SOX5: variants seen among roughly 807,000 people sequenced by gnomAD.
The protein encoded by SOX5 is SRY-box transcription factor 5.
A neutral mutation model predicts 92.0 loss-of-function variants in SOX5; 9 were observed. That is an observed-to-expected ratio of 0.10 (90% CI 0.06 to 0.17). The LOEUF (loss-of-function observed/expected upper bound fraction) is 0.17. Ranked by LOEUF, SOX5 falls within the 10% of genes least tolerant of loss-of-function variation. SOX5 has a pLI of 1.00. For synonymous variants in SOX5, 344 were observed against 336.3 expected (o/e 1.02, Z -0.25); for missense variants, 642 against 944.5 (o/e 0.68, Z 4.20).
intron 14 of SOX5, among the ~76,000 whole-genome samples, chr12:23,535,599 A>G (rs1353006765): frequency 1.3e-5 from 2 of 152,294 alleles, no homozygotes; most frequent in East Asian, 1.9e-4. Context: ...TTGCCCAAGA[A>G]CTGTTGGGCA....
At chr12:24,309,324 T>C (rs1948942661) in intron 2 of SOX5, among the ~76,000 whole-genome samples, 1 of 152,218 alleles carries the variant, frequency 6.6e-6, no homozygotes, top group Non-Finnish European at 1.5e-5. Flanking sequence ...TTGCATTTTC[T>C]CTTCTTTCTA....
chr12:23,554,744 A>G (rs1358389837), intron 11 of SOX5, among the ~76,000 whole-genome samples: 1 of 152,178 alleles, frequency 6.6e-6, no homozygotes, highest in African/African-American at 2.4e-5. Flanking sequence ...GAAAGATTCA[A>G]TGAGACCCTT....
intron 8 of SOX5, among the ~76,000 whole-genome samples, chr12:23,633,654 C>T (rs1214767947): frequency 1.3e-5 from 2 of 151,948 alleles, no homozygotes; most frequent in African/African-American, 2.4e-5. Context: ...AGAAGGTAAA[C>T]TCAGTGTATG....
intron 3 of SOX5, among the ~76,000 whole-genome samples, chr12:24,248,739 C>G (rs80217656): frequency 0.021 from 3,164 of 152,134 alleles, 107 homozygotes; most frequent in African/African-American, 0.073. Context: ...CTCTCTCCTT[C>G]ATGTTCATCC....
chr12:23,721,064 TATTA>T (rs1183685579), intron 6 of SOX5, among the ~76,000 whole-genome samples: 1 of 151,526 alleles, frequency 6.6e-6, no homozygotes, highest in African/African-American at 2.4e-5. Context: ...TGTTTTTCTA[TATTA>T]ATTATTTTAT....
intron 10 of SOX5, among the ~76,000 whole-genome samples, chr12:23,565,684 C>T (rs1946950107): frequency 6.6e-6 from 1 of 152,132 alleles, no homozygotes; most frequent in South Asian, 2.1e-4. Flanking sequence ...TGTTTCTGTG[C>T]AGGTAGAAAT....
At chr12:24,406,158 G>A (rs1962893114) in intron 1 of SOX5, among the ~76,000 whole-genome samples, 1 of 152,164 alleles carries the variant, frequency 6.6e-6, no homozygotes, top group South Asian at 2.1e-4. Context: ...TCCTAGAGCA[G>A]GTGTGGGCCA....
chr12:23,844,108 T>C (rs759535431), intron 3 of SOX5, among the ~76,000 whole-genome samples: 1 of 152,222 alleles, frequency 6.6e-6, no homozygotes, highest in Non-Finnish European at 1.5e-5. Flanking sequence ...AACACTTATG[T>C]TGTTAGTCCA....
upstream of SOX5, among the ~76,000 whole-genome samples, chr12:23,954,972 T>C (rs768697797): frequency 7.2e-5 from 11 of 152,122 alleles, no homozygotes; most frequent in African/African-American, 1.2e-4. Flanking sequence ...GGAATTTCTA[T>C]CTATATGATA....
intron 3 of SOX5, among the ~76,000 whole-genome samples, chr12:24,249,453 A>G (rs1939583242): frequency 6.6e-6 from 1 of 152,222 alleles, no homozygotes; most frequent in Non-Finnish European, 1.5e-5. Context: ...TACCTGCTCT[A>G]GACCTTTCAG....
intron 4 of SOX5, among the ~76,000 whole-genome samples, chr12:24,176,329 G>T (rs1008561417): frequency 6.6e-6 from 1 of 151,716 alleles, no homozygotes; most frequent in Non-Finnish European, 1.5e-5. Context: ...ACCCTGTTTT[G>T]GGGAAGAAAA....
chr12:24,338,878 T>C (rs1289689766), intron 2 of SOX5, among the ~76,000 whole-genome samples: 1 of 152,216 alleles, frequency 6.6e-6, no homozygotes, highest in African/African-American at 2.4e-5. Context: ...GATGTGGAAC[T>C]GTGAGTCCAT....
chr12:23,767,747 C>A (rs1477578037), intron 3 of SOX5, among the ~76,000 whole-genome samples: 1 of 151,520 alleles, frequency 6.6e-6, no homozygotes. Flanking sequence ...ATGGGGAAGG[C>A]AAGAGAAAGA....
At chr12:24,215,404 T>A (rs1019844585) in intron 3 of SOX5, among the ~76,000 whole-genome samples, 1 of 152,060 alleles carries the variant, frequency 6.6e-6, no homozygotes, top group East Asian at 1.9e-4. Flanking sequence ...TTCAGTAAGG[T>A]TGCAGGATAG....
intron 1 of SOX5, among the ~76,000 whole-genome samples, chr12:23,936,924 C>T (rs1196601141): frequency 6.6e-6 from 1 of 150,860 alleles, no homozygotes; most frequent in Non-Finnish European, 1.5e-5. Flanking sequence ...AGATTAGTCA[C>T]ATTTCAAACT....
At chr12:24,509,395 G>T (rs1338122287) in intron 1 of SOX5, among the ~76,000 whole-genome samples, 1 of 151,998 alleles carries the variant, frequency 6.6e-6, no homozygotes, top group Non-Finnish European at 1.5e-5. Context: ...GTTGCTTTAG[G>T]GGTGAAAGTG....
chr12:23,594,218 A>C (rs1158741697), intron 9 of SOX5, among the ~76,000 whole-genome samples: 1 of 151,078 alleles, frequency 6.6e-6, no homozygotes, highest in East Asian at 2.0e-4. Context: ...AAAACAAAAC[A>C]GGAAGTATTC....
At chr12:24,200,340 T>A (rs768376919) in intron 4 of SOX5, among the ~76,000 whole-genome samples, 5 of 152,202 alleles carry the variant, frequency 3.3e-5, no homozygotes, top group African/African-American at 9.6e-5. Context: ...CAATCATTGG[T>A]GATTAGATTA....
chr12:24,314,215 T>C (rs11616084), intron 2 of SOX5, among the ~76,000 whole-genome samples: 70,798 of 151,938 alleles, frequency 0.47, 17,880 homozygotes, highest in Admixed American at 0.62. Context: ...ATGATAACAG[T>C]TCTTGCGATA....
Sources: gnomAD v4.1 joint callset for allele counts (sites outside exome capture counted in the v4.1 genomes callset) on GRCh38, gnomAD v4.1.1 for gene constraint, MANE v1.5 for transcripts, NCBI Gene and HGNC (gene_info 2026-07-23, HGNC 2026-07-21) for gene names.